The following MLYCD variants were observed in gnomAD, a reference collection of about 807,000 sequenced individuals.
MLYCD encodes malonyl-CoA decarboxylase, mitochondrial.
Under a neutral mutation model 35.8 loss-of-function variants are expected in MLYCD, and 27 were observed. The observed-to-expected ratio is 0.75, with a 90% CI of 0.56 to 1.04. The LOEUF is 1.04. Ranked by LOEUF, MLYCD falls within the 50% of genes least tolerant of loss-of-function variation. The probability of loss-of-function intolerance (pLI) is 0.00; values close to 1 mark genes in which losing one functional copy is unlikely to be tolerated. For missense variants in MLYCD, 917 were observed against 665.1 expected (o/e 1.38, Z -4.17); for synonymous variants, 403 against 302.4 (o/e 1.33, Z -3.45).
rs1169743985 is a variant in MLYCD, at chr16:83,925,347, A to C, written c.*9858A>C. 6.6e-6 allele frequency: 1 copy of C among 151,590 alleles called. No homozygotes were observed. The highest frequency in any genetic ancestry group is 6.6e-5 in the Admixed American group (1 of 15,214). The allele number at this position is 151,590 out of a possible 1,614,324, so 9.4% of individuals were successfully genotyped here. ...GGGTGCCATCCCTGGGGCTCCCCTCACCCCCACCTCCCACCCGTCCCCGGG... is the reference window on the plus strand; with the variant it reads ...GGGTGCCATCCCTGGGGCTCCCCTCCCCCCCACCTCCCACCCGTCCCCGGG... On this transcript the variant is annotated 3_prime_UTR_variant, in exon 5 of 5. Transcript: ENST00000262430.
chr16:83,913,816 A>C (rs1907271402), intron 4 of MLYCD: 1 of 151,912 alleles, frequency 6.6e-6, no homozygotes. Flanking sequence ...AAAAAAAAAA[A>C]AAAAAACAGT....
At chr16:83,901,126 G>T (rs1291129879) in intron 1 of MLYCD, among the ~76,000 whole-genome samples, 1 of 152,164 alleles carries the variant, frequency 6.6e-6, no homozygotes, top group Non-Finnish European at 1.5e-5. Context: ...TGAGGGCCAG[G>T]CATCTTTGGC....
At chr16:83,914,283 C>G (rs1263727418) in intron 4 of MLYCD, 1 of 160,102 alleles carries the variant, frequency 6.2e-6, no homozygotes, top group African/African-American at 2.4e-5. Flanking sequence ...CGTCCCCCTC[C>G]TCGCCCTCTA....
Position 83,919,504 on chromosome 16 carries a change from G to A in MLYCD, c.*4015G>A, listed in dbSNP as rs1907571878. 6.7e-6 allele frequency: 1 copy of A among 149,714 alleles called. No homozygotes were observed. Among genetic ancestry groups the A allele is most frequent in the Non-Finnish European group, 1.5e-5 (1 of 68,272 alleles). 9.3% of individuals were successfully genotyped at this position (149,714 alleles called of 1,614,324 possible). A position where few individuals can be genotyped will look rare whatever the true frequency, so the allele number is the denominator to read the frequency against. ...CACAGTGCACAGGAGAGAACACACA[G>A]TGCACAGAACACACAGGGCACAGGA... On this transcript the variant is annotated 3_prime_UTR_variant, in exon 5 of 5. Coordinates refer to ENST00000262430, the MANE Select transcript of MLYCD (RefSeq NM_012213.3).
At chr16:83,902,196 TTTG>T (rs1290148747) in intron 1 of MLYCD, among the ~76,000 whole-genome samples, 1 of 145,970 alleles carries the variant, frequency 6.9e-6, no homozygotes, top group Non-Finnish European at 1.5e-5. Flanking sequence ...TATATGGTTT[TTTG>T]TTTTGTTGTT....
rs984626666 is a variant in MLYCD at position 83,920,595 on chromosome 16, A to T, written c.*5106A>T. ...GTTCTGCCAGGGCCTCCCAGGCTCC[A>T]AGATCACTGCCTTCAGGGAGCCCAG... On this transcript the variant is annotated 3_prime_UTR_variant, in exon 5 of 5. Transcript: ENST00000262430. The T allele has an allele frequency of 1.3e-5, 2 of 152,206 alleles. No individual in the cohort carries two copies. Among genetic ancestry groups the T allele is most frequent in the Admixed American group, 6.5e-5 (1 of 15,280 alleles). 9.4% of individuals were successfully genotyped at this position (152,206 alleles called of 1,614,324 possible).
At chr16:83,902,476 G>C (rs1267660824) in intron 1 of MLYCD, among the ~76,000 whole-genome samples, 1 of 148,332 alleles carries the variant, frequency 6.7e-6, no homozygotes, top group Non-Finnish European at 1.5e-5. Flanking sequence ...ACTTAATGTG[G>C]TATGATCTGA....
At chr16:83,914,813 A>G in intron 4 of MLYCD, 143 bp from the exon 5 acceptor site, 1 of 1,220,998 alleles carries the variant, frequency 8.2e-7, no homozygotes, top group Non-Finnish European at 1.2e-6. Flanking sequence ...TTGAAAGAAG[A>G]TAAACAACAT....
chr16:83,910,884 A>T (rs1179273986), intron 3 of MLYCD, among the ~76,000 whole-genome samples: 3 of 152,180 alleles, frequency 2.0e-5, no homozygotes, highest in Non-Finnish European at 2.9e-5. Flanking sequence ...TGTTGGAGTC[A>T]CAGACCCTGT....
chr16:83,899,376 C>T lies in MLYCD; in HGVS notation c.232C>T (p.Leu78=), dbSNP rs541503395. ...CADFVSFYGG[L]AETAQRAELL... ...GGACTTCGTGAGCTTCTACGGTGGG[C>T]TGGCCGAGACGGCCCAGCGGGCCGA... The change falls in exon 1 of 5, where the codon CTG becomes TTG. Residue 78 remains leucine (L), a synonymous_variant. Coordinates refer to ENST00000262430, the MANE Select transcript of MLYCD (RefSeq NM_012213.3). 1.7e-4 allele frequency: 263 copies of T among 1,527,068 alleles called. 2 individuals carry two copies. In the South Asian group the frequency reaches 3.0e-3, roughly 18 times the overall value. The allele number at this position is 1,527,068 out of a possible 1,614,324, so 94.6% of individuals were successfully genotyped here.
At chr16:83,906,083 G>A (rs1047052761) in intron 1 of MLYCD, among the ~76,000 whole-genome samples, 2 of 152,202 alleles carry the variant, frequency 1.3e-5, no homozygotes, top group African/African-American at 4.8e-5. Context: ...CTCTAAGGTA[G>A]GTTAAAAATG....
At chr16:83,910,208 A>G (rs1413902320) in intron 3 of MLYCD, among the ~76,000 whole-genome samples, 5 of 136,938 alleles carry the variant, frequency 3.7e-5, no homozygotes, top group African/African-American at 1.4e-4. Context: ...TTTTTTATGC[A>G]TGGTTTTTTT....
intron 1 of MLYCD, 104 bp downstream of exon 1, chr16:83,899,776 G>A (rs1567630730): frequency 7.5e-7 from 1 of 1,325,390 alleles, no homozygotes; most frequent in Non-Finnish European, 9.9e-7. Context: ...TTCCCTGCCC[G>A]ATAGCACGCT....
intron 4 of MLYCD, chr16:83,914,381 G>A (rs1907295426): frequency 5.5e-6 from 1 of 180,386 alleles, no homozygotes; most frequent in Admixed American, 5.4e-5. Context: ...CAGCAGAGCA[G>A]CTTCCGGGGC....
chr16:83,914,185 C>G (rs1158479996), intron 4 of MLYCD: 1 of 152,368 alleles, frequency 6.6e-6, no homozygotes, highest in Admixed American at 6.5e-5. Context: ...CAGAAAGTAG[C>G]AGATTGTTTG....
Position 83,926,669 on chromosome 16 carries a change from G to C in MLYCD, c.*11180G>C, listed in dbSNP as rs76766726. ...TTAGTGGTCCCTTCCTTCAGGGGCT[G>C]TGGGGATCTCAAAAGATAAGGCAGG... On this transcript the variant is annotated 3_prime_UTR_variant, in exon 5 of 5. Transcript: ENST00000262430. The C allele has an allele frequency of 0.022, 3,304 of 152,390 alleles. 172 individuals are homozygous for C. In the East Asian group the frequency reaches 0.22, roughly 10 times the overall value. 9.4% of individuals were successfully genotyped at this position (152,390 alleles called of 1,614,324 possible).
chr16:83,904,465 A>AG (rs1906907127), intron 1 of MLYCD, among the ~76,000 whole-genome samples: 1 of 152,232 alleles, frequency 6.6e-6, no homozygotes, highest in Non-Finnish European at 1.5e-5. Flanking sequence ...ACAGTTTTAC[A>AG]AAGGGCCATT....
Position 83,922,285 on chromosome 16 carries a change from G to A in MLYCD, c.*6796G>A, listed in dbSNP as rs1907680327. The stretch of plus-strand genomic sequence containing the variant: ...CCCCCGTATCCGAGACCTAAGTTCC[G>A]GCTCTCCTTATCTCTTGGAGCCCTG... On this transcript the variant is annotated 3_prime_UTR_variant, in exon 5 of 5. Transcript: ENST00000262430. 1 of 152,048 alleles carries A rather than the reference G, an allele frequency of 6.6e-6. No individual in the cohort carries two copies. The highest frequency in any genetic ancestry group is 1.5e-5 in the Non-Finnish European group (1 of 68,048). The allele number at this position is 152,048 out of a possible 1,614,324, so 9.4% of individuals were successfully genotyped here.
In MLYCD at chr16:83,916,162, T is replaced by C; in HGVS notation, c.*673T>C. The C allele has an allele frequency of 1.0e-6, 1 of 991,792 alleles. No homozygotes were observed. Among genetic ancestry groups the C allele is most frequent in the Non-Finnish European group, 1.2e-6 (1 of 832,608 alleles). 61.4% of individuals were successfully genotyped at this position (991,792 alleles called of 1,614,324 possible). A position where few individuals can be genotyped will look rare whatever the true frequency, so the allele number is the denominator to read the frequency against. On this transcript the variant is annotated 3_prime_UTR_variant, in exon 5 of 5. Coordinates refer to ENST00000262430, the MANE Select transcript of MLYCD (RefSeq NM_012213.3). ...AATGAACTTCACAGTAAAGAACACG[T>C]TTGTTCTGTAAAGCATTGAACATCT... is the stretch of plus-strand genomic sequence containing the variant.
Sources: allele counts gnomAD v4.1 joint callset (sites outside exome capture counted in the v4.1 genomes callset), GRCh38; gene constraint gnomAD v4.1.1; transcripts MANE v1.5; gene names NCBI Gene and HGNC (gene_info 2026-07-23, HGNC 2026-07-21).